Variants in ZSCAN18 observed in about 807,000 individuals in gnomAD.
ZSCAN18 encodes the protein zinc finger and SCAN domain-containing protein 18.
A neutral mutation model predicts 31.1 loss-of-function variants in ZSCAN18; 16 were observed. That is an observed-to-expected ratio of 0.51 (90% CI 0.35 to 0.78). The LOEUF (loss-of-function observed/expected upper bound fraction) is 0.78. Among genes scored for constraint, ZSCAN18 ranks in the 30% least tolerant of loss-of-function variants. ZSCAN18 has a pLI of 0.01. For synonymous variants in ZSCAN18, 375 were observed against 320.7 expected, an observed-to-expected ratio of 1.17 and a Z score of -1.81; for missense variants, 731 against 697.4, an observed-to-expected ratio of 1.05 and a Z score of -0.54.
upstream of ZSCAN18, among the ~76,000 whole-genome samples, chr19:58,098,715 G>A (rs1429899176): frequency 6.6e-6 from 1 of 152,158 alleles, no homozygotes; most frequent in African/African-American, 2.4e-5. Flanking sequence ...AAAAGAAAGA[G>A]ACCAGCTCAG....
rs757996966 is a variant in ZSCAN18, at chr19:58,084,746, C to G, written c.1472G>C (p.Gly491Ala). 27 of 1,551,034 alleles carry G rather than the reference C, an allele frequency of 1.7e-5. No homozygotes were observed. The highest frequency in any genetic ancestry group is 1.7e-4 in the Middle Eastern group (1 of 5,820). Residue 491 changes from glycine to alanine, a missense_variant, in exon 7 of 7, where the codon GGC becomes GCC. Around this residue, in one of 4 missense-constraint regions of ZSCAN18, gnomAD observed 597 missense variants for 499.5 expected, o/e 1.20. Coordinates refer to ENST00000601144, the MANE Select transcript of ZSCAN18 (RefSeq NM_001145543.2). This position sits in a 1 kb window ranked among gnomAD's most constrained non-coding sequence, Gnocchi z 4.5. ...GCCCTCCACGCTCTCTGGGGGACCG[C>G]CCGCCCTAGCCCCCGCCTGGGCTTC... The part of the protein sequence containing the change: ...TREAQAGARA[G>A]GPPESVEGEA...
At chr19:58,088,076 G>A (rs34114202) in intron 3 of ZSCAN18, 27,657 of 153,220 alleles carry the variant, frequency 0.18, 2,771 homozygotes, top group Middle Eastern at 0.24. Context: ...GTGAAATGTC[G>A]AACTCACACA....
chr19:58,087,367 C>T lies in ZSCAN18; in HGVS notation c.591G>A (p.Arg197=), dbSNP rs2074303292. Residue 197 remains arginine (R), a synonymous_variant, in exon 4 of 7, where the codon AGG becomes AGA. Coordinates refer to ENST00000601144, the MANE Select transcript of ZSCAN18 (RefSeq NM_001145543.2). ...LSPDPLFLEQ[R]RVREAKTEED... is the part of the protein sequence containing the mutation. Reference sequence around the variant, plus strand: ...CTTCGGTCTTTGCTTCTCTGACCCTCCTCTGTTCCAGAAACAGGGGGTCCG... The same window carrying T: ...CTTCGGTCTTTGCTTCTCTGACCCTTCTCTGTTCCAGAAACAGGGGGTCCG... 1 of 1,607,322 alleles carries T rather than the reference C, an allele frequency of 6.2e-7. No homozygotes were observed. Among genetic ancestry groups the T allele is most frequent in the Admixed American group, 1.7e-5 (1 of 59,230 alleles).
rs776365429 is a variant in ZSCAN18, at chr19:58,085,368, GCCT to G, written c.847_849del (p.Arg284del). On this transcript the variant is annotated inframe_deletion, in exon 7 of 7. Coordinates refer to ENST00000601144, the MANE Select transcript of ZSCAN18 (RefSeq NM_001145543.2). ...CAGGCGCACCCAGCGCTCTCCTGCC[GCCT>G]CCCGCCTTCTGGAACAAGGTCAGAG... is the stretch of plus-strand genomic sequence containing the variant. 30 of 1,588,882 alleles carry G rather than the reference GCCT, an allele frequency of 1.9e-5. No homozygotes were observed. In the East Asian group the frequency reaches 5.2e-4, roughly 27 times the overall value.
intron 1 of ZSCAN18, among the ~76,000 whole-genome samples, chr19:58,097,630 C>T (rs1333779698): frequency 6.6e-6 from 1 of 151,750 alleles, no homozygotes; most frequent in Non-Finnish European, 1.5e-5. Context: ...ACAGCCTGCC[C>T]AGCGTCCCCC....
intron 1 of ZSCAN18, among the ~76,000 whole-genome samples, chr19:58,093,029 G>A (rs976021546): frequency 3.9e-5 from 6 of 152,004 alleles, no homozygotes; most frequent in Non-Finnish European, 7.4e-5. Flanking sequence ...CGCCTGCCTG[G>A]GCCTCCCAAA....
At chr19:58,086,126 A>T (rs764203053) in intron 6 of ZSCAN18, 48 bp downstream of exon 6, 8 of 1,586,676 alleles carry the variant, frequency 5.0e-6, no homozygotes, top group Middle Eastern at 1.7e-4. Context: ...GCCTCTGAAG[A>T]AAAAGCAAAC....
chr19:58,089,037 C>T (rs2074346262), intron 2 of ZSCAN18, among the ~76,000 whole-genome samples, 200 bp from the exon 3 acceptor site: 1 of 152,116 alleles, frequency 6.6e-6, no homozygotes, highest in South Asian at 2.1e-4. Flanking sequence ...GGCGCGGTGG[C>T]TCACGCCTGT....
chr19:58,088,959 A>G (rs957606881), intron 2 of ZSCAN18, 122 bp from the exon 3 acceptor site: 1 of 903,780 alleles, frequency 1.1e-6, no homozygotes, highest in African/African-American at 1.7e-5. Context: ...CCTGCACCTC[A>G]TCTTGGACCA....
At chr19:58,107,706 G>A (rs1600009388) in intron 1 of ZSCAN18, 2 of 988,956 alleles carry the variant, frequency 2.0e-6, no homozygotes, top group East Asian at 2.2e-4. Flanking sequence ...TGACAAAGAG[G>A]AGGCAAAGAA....
At chr19:58,113,114 G>C (rs992021833) in intron 1 of ZSCAN18, among the ~76,000 whole-genome samples, 1 of 151,428 alleles carries the variant, frequency 6.6e-6, no homozygotes, top group Non-Finnish European at 1.5e-5. Context: ...AGGAGATCGA[G>C]ACCATCCTGG....
chr19:58,102,981 G>A (rs530516165), upstream of ZSCAN18, among the ~76,000 whole-genome samples: 1 of 152,172 alleles, frequency 6.6e-6, no homozygotes, highest in South Asian at 2.1e-4. Context: ...AATTAGCTGG[G>A]TGTGGTGGTG....
chr19:58,084,665 GA>G lies in ZSCAN18; in HGVS notation c.*19del, dbSNP rs2074222415. 2 of 1,461,034 alleles carry G rather than the reference GA, an allele frequency of 1.4e-6. No homozygotes were observed. Among genetic ancestry groups the G allele is most frequent in the Non-Finnish European group, 9.0e-7 (1 of 1,114,294 alleles). 90.5% of individuals were successfully genotyped at this position (1,461,034 alleles called of 1,614,324 possible). A position where few individuals can be genotyped will look rare whatever the true frequency, so the allele number is the denominator to read the frequency against. ...CACGGCCGGCAAAGCGGCCCCTCCGGAACGGGACAGCACAGCGGCTCACCTC... is the reference window on the plus strand; with the variant it reads ...CACGGCCGGCAAAGCGGCCCCTCCGGACGGGACAGCACAGCGGCTCACCTC... On this transcript the variant is annotated 3_prime_UTR_variant, in exon 7 of 7. Coordinates refer to ENST00000601144, the MANE Select transcript of ZSCAN18 (RefSeq NM_001145543.2). The surrounding 1 kb of genome is among the most constrained non-coding windows in gnomAD (Gnocchi z 4.5).
At chr19:58,103,654 C>T (rs1419330364) in intron 1 of ZSCAN18, among the ~76,000 whole-genome samples, 5 of 152,038 alleles carry the variant, frequency 3.3e-5, no homozygotes, top group African/African-American at 1.2e-4. Context: ...TTCCTCAGGC[C>T]TCCCTATTCC....
chr19:58,114,035 C>A (rs1026402118), intron 1 of ZSCAN18, among the ~76,000 whole-genome samples: 1 of 151,140 alleles, frequency 6.6e-6, no homozygotes, highest in Admixed American at 6.6e-5. Context: ...TAAGGGAGGC[C>A]AAGGTGGGCA....
rs1599975280 is a variant in ZSCAN18 at position 58,092,956 on chromosome 19, T to C, written c.-119-2570A>G. On this transcript the variant is annotated intron_variant, in intron 1 of 6. Transcript: ENST00000601144. ...CACCTGGCTAATTTTTAATTTGTTTTGTAGAGACAGGGATCTCACTATGTT... is the reference window on the plus strand; with the variant it reads ...CACCTGGCTAATTTTTAATTTGTTTCGTAGAGACAGGGATCTCACTATGTT... 2.6e-5 allele frequency among the ~76,000 whole-genome samples: 4 copies of C among 151,934 alleles called. No homozygotes were observed. The South Asian group carries it at 8.3e-4, about 32-fold the overall frequency.
chr19:58,104,524 C>A (rs1240519651), intron 1 of ZSCAN18, among the ~76,000 whole-genome samples: 2 of 151,678 alleles, frequency 1.3e-5, no homozygotes, highest in African/African-American at 4.8e-5. Flanking sequence ...CGTGGCGAAA[C>A]CCCATCTCTG....
upstream of ZSCAN18, among the ~76,000 whole-genome samples, chr19:58,101,552 C>T (rs1360336614): frequency 1.4e-5 from 2 of 144,732 alleles, no homozygotes; most frequent in Non-Finnish European, 3.0e-5. Flanking sequence ...CAGAGTCTTG[C>T]TCTGTCACCC....
chr19:58,097,848 TC>T, intron 1 of ZSCAN18: 1 of 846,792 alleles, frequency 1.2e-6, no homozygotes, highest in South Asian at 5.7e-5. Context: ...AGCCGCCCCT[TC>T]CTGTTCTCCC....
Sources: gnomAD v4.1 joint callset for allele counts (sites outside exome capture counted in the v4.1 genomes callset) on GRCh38, gnomAD v4.1.1 for gene constraint, gnomAD v4.1.1 regional missense constraint, Gnocchi (gnomAD v3.1) non-coding constraint, MANE v1.5 for transcripts, NCBI Gene and HGNC (gene_info 2026-07-23, HGNC 2026-07-21) for gene names.